The following UNC45A variants were observed in gnomAD, a reference collection of about 807,000 sequenced individuals.
The protein encoded by UNC45A is unc-45 myosin chaperone A, also known as protein unc-45 homolog A.
A neutral mutation model predicts 103.2 loss-of-function variants in UNC45A; 78 were observed. The ratio of observed to expected loss-of-function variants is 0.76; its 90% CI spans 0.63 to 0.91. The LOEUF (loss-of-function observed/expected upper bound fraction) is 0.91, where lower values mean the gene tolerates loss of function less well. UNC45A is among the 40% of genes least tolerant of loss of function. UNC45A has a pLI of 0.00. For synonymous variants in UNC45A, 495 were observed against 504.6 expected (o/e 0.98, Z 0.25); for missense variants, 1,193 against 1,224.8 (o/e 0.97, Z 0.39).
upstream of UNC45A, chr15:90,932,044 G>A (rs34967259): frequency 0.075 from 121,028 of 1,613,478 alleles, 5,378 homozygotes; most frequent in South Asian, 0.16. Flanking sequence ...GCAGAGAAGG[G>A]GGAAAGTTAC....
In UNC45A at chr15:90,950,165, G is replaced by A. The variant is rs559062930; in HGVS notation, c.2085G>A (p.Pro695=). The part of the protein sequence containing the change: ...VAQGGGRALI[P]LALEGTDVGQ... ...GCTTGTTCCTACAGGCGCTGATCCCGCTGGCCCTGGAAGGCACGGACGTGG... is the reference window on the plus strand; with the variant it reads ...GCTTGTTCCTACAGGCGCTGATCCCACTGGCCCTGGAAGGCACGGACGTGG... The change falls in exon 16 of 20, where the codon CCG becomes CCA. Residue 695 remains proline, a synonymous_variant. Coordinates refer to ENST00000418476, the MANE Select transcript of UNC45A (RefSeq NM_018671.5). 8.4e-6 allele frequency: 13 copies of A among 1,551,456 alleles called. No individual in the cohort carries two copies. Among genetic ancestry groups the A allele is most frequent in the Middle Eastern group, 1.7e-4 (1 of 5,840 alleles).
At position 90,949,432 on chromosome 15, in the gene UNC45A, G is replaced by C. The variant is rs1184811032; in HGVS notation, c.1995G>C (p.Glu665Asp). The C allele has an allele frequency of 1.9e-6, 3 of 1,613,606 alleles. No homozygotes were observed. Among genetic ancestry groups the C allele is most frequent in the South Asian group, 1.1e-5 (1 of 91,086 alleles). Residue 665 changes from glutamate (E) to aspartate (D), a missense_variant, in exon 14 of 20, where the codon GAG (glutamate) becomes GAC (aspartate). By Grantham distance (45) the Glu-to-Asp change is conservative. Transcript: ENST00000418476. The part of the protein sequence containing the change: ...ESPVLTSSCR[E>D]LLSRVFLALV... The stretch of plus-strand genomic sequence containing the variant: ...CTGTGCTGACCAGTTCCTGCAGAGA[G>C]CTGCTCTCCAGGTGAGCCAGCCTTG...
At chr15:90,943,149 G>C (rs2036380332) in intron 8 of UNC45A, 67 bp downstream of exon 8, 13 of 1,518,810 alleles carry the variant, frequency 8.6e-6, no homozygotes, top group Non-Finnish European at 1.1e-5. Flanking sequence ...GGAGTAATAA[G>C]AAAAGTTGTG....
rs1333329629 is a variant in UNC45A, at chr15:90,950,272, G to A, written c.2187+5G>A. 13 of 1,551,646 alleles carry A rather than the reference G, an allele frequency of 8.4e-6. No homozygotes were observed. The highest frequency in any genetic ancestry group is 6.8e-5 in the African/African-American group (5 of 73,168). ...ATGACCTTCCCTGGCGAGCGGGTAC[G>A]TGTCTTCCTGCCCCGGCCTTTCCAC... On this transcript the variant is annotated splice_donor_5th_base_variant and intron_variant, in intron 16 of 19. Transcript: ENST00000418476.
At chr15:90,934,073 G>A (rs74039157), upstream of UNC45A, 1,214 of 399,132 alleles carry the variant, frequency 3.0e-3, 23 homozygotes, top group African/African-American at 0.023. Context: ...GCCCCTTGCT[G>A]ACAGGCCTAT....
chr15:90,935,346 A>C lies in UNC45A; in HGVS notation c.22A>C (p.Thr8Pro), dbSNP rs1257064415. 1.9e-6 allele frequency: 3 copies of C among 1,601,050 alleles called. No homozygotes were observed. The highest frequency in any genetic ancestry group is 1.7e-5 in the Admixed American group (1 of 58,684). MTVSGPGTPEPRPATPGA... is the reference protein window; with the variant it reads MTVSGPGPPEPRPATPGA... ...CGCGATGACTGTGAGTGGTCCAGGG[A>C]CCCCCGAGCCCCGGCCGGCCACCCC... The change falls in exon 1 of 20, where the codon ACC (threonine) becomes CCC (proline). Residue 8 changes from threonine (T) to proline (P), a missense_variant. Physicochemically the swap from Thr to Pro is conservative, Grantham distance 38. Coordinates refer to ENST00000418476, the MANE Select transcript of UNC45A (RefSeq NM_018671.5).
At chr15:90,931,720 A>G, upstream of UNC45A, 1 of 1,614,052 alleles carries the variant, frequency 6.2e-7, no homozygotes, top group South Asian at 1.1e-5. Context: ...GGGTGCAGCG[A>G]TTCAGGTCCC....
chr15:90,936,057 G>A lies in UNC45A; in HGVS notation c.250+75G>A. 5.6e-6 allele frequency: 9 copies of A among 1,596,832 alleles called. 1 individual carries two copies. Among genetic ancestry groups the A allele is most frequent in the South Asian group, 3.4e-5 (3 of 88,602 alleles). The stretch of plus-strand genomic sequence containing the variant: ...GCAAGGACTCTGGGACCGCTGCACC[G>A]TCACATTCTCCTCCTTTGGCCCCAG... On this transcript the variant is annotated intron_variant, in intron 3 of 19. Transcript: ENST00000418476.
chr15:90,938,072 C>G (rs1239865123), intron 4 of UNC45A, among the ~76,000 whole-genome samples: 2 of 152,218 alleles, frequency 1.3e-5, no homozygotes, highest in East Asian at 3.8e-4. Flanking sequence ...GCTGGGATAA[C>G]AGGCGTGAGC....
intron 6 of UNC45A, among the ~76,000 whole-genome samples, chr15:90,941,361 C>T (rs1321314160): frequency 2.0e-5 from 3 of 152,230 alleles, no homozygotes; most frequent in African/African-American, 7.2e-5. Context: ...CTTACCTGAG[C>T]TGGCTTGCTC....
At chr15:90,950,096 G>A (rs142421312) in intron 15 of UNC45A, 58 bp from the exon 16 acceptor site, 926 of 1,510,924 alleles carry the variant, frequency 6.1e-4, no homozygotes, top group Middle Eastern at 1.1e-3. Flanking sequence ...TGGGGAGCCC[G>A]ATGGTCGGGG....
chr15:90,948,890 T>C (rs2036731939), intron 13 of UNC45A, 96 bp downstream of exon 13: 10 of 1,399,622 alleles, frequency 7.1e-6, no homozygotes, highest in Non-Finnish European at 9.4e-6. Context: ...TTTTTTTTTT[T>C]TTTTTTGAGA....
chr15:90,942,104 G>A (rs903058878), intron 6 of UNC45A, among the ~76,000 whole-genome samples: 17 of 152,132 alleles, frequency 1.1e-4, no homozygotes, highest in African/African-American at 3.6e-4. Flanking sequence ...TAAGCCTGGT[G>A]GTCAGGTAGC....
chr15:90,939,582 C>A, intron 4 of UNC45A, 149 bp from the exon 5 acceptor site: 4 of 715,668 alleles, frequency 5.6e-6, no homozygotes, highest in South Asian at 2.0e-5. Flanking sequence ...AGGCAAGTCT[C>A]TTCCTGCCCA....
chr15:90,938,753 C>A (rs1201940947), intron 4 of UNC45A, among the ~76,000 whole-genome samples: 1 of 152,160 alleles, frequency 6.6e-6, no homozygotes, highest in South Asian at 2.1e-4. Context: ...CTGACTGCAA[C>A]CTCCACCTCC....
Position 90,947,799 on chromosome 15 carries a change from C to T in UNC45A, c.1504C>T (p.Leu502Phe). 1 of 1,613,924 alleles carries T rather than the reference C, an allele frequency of 6.2e-7. No homozygotes were observed. The highest frequency in any genetic ancestry group is 8.5e-7 in the Non-Finnish European group (1 of 1,179,846). Reference sequence around the variant, plus strand: ...TGGTCTTGCCCTCTTCCTCCAGGGACTCTGTAAGCTCGGTTCGGCTGGAGG... The same window carrying T: ...TGGTCTTGCCCTCTTCCTCCAGGGATTCTGTAAGCTCGGTTCGGCTGGAGG... ...DSIRIRALVG[L>F]CKLGSAGGTD... is the part of the protein sequence containing the mutation. The change falls in exon 11 of 20, where the codon CTC becomes TTC. Residue 502 changes from leucine to phenylalanine, a missense_variant. Coordinates refer to ENST00000418476, the MANE Select transcript of UNC45A (RefSeq NM_018671.5).
At chr15:90,951,195 T>G (rs1322914594) in intron 17 of UNC45A, among the ~76,000 whole-genome samples, 1 of 152,160 alleles carries the variant, frequency 6.6e-6, no homozygotes, top group African/African-American at 2.4e-5. Flanking sequence ...TTTGTAGAGA[T>G]GGCGCTTTAC....
chr15:90,950,355 G>T, intron 16 of UNC45A, 88 bp downstream of exon 16: 2 of 1,495,320 alleles, frequency 1.3e-6, no homozygotes, highest in Non-Finnish European at 1.8e-6. Context: ...GGACCAGCAG[G>T]AAGTTTCAGC....
At chr15:90,937,370 A>G (rs2036071033) in intron 4 of UNC45A, among the ~76,000 whole-genome samples, 1 of 152,182 alleles carries the variant, frequency 6.6e-6, no homozygotes, top group African/African-American at 2.4e-5. Context: ...AGAAGAAGAA[A>G]AATATACAAT....
Sources: gnomAD v4.1 joint callset for allele counts (sites outside exome capture counted in the v4.1 genomes callset) on GRCh38, gnomAD v4.1.1 for gene constraint, MANE v1.5 for transcripts, NCBI Gene and HGNC (gene_info 2026-07-23, HGNC 2026-07-21) for gene names.